H3-3A: variants seen among roughly 807,000 people sequenced by gnomAD.
The protein encoded by H3-3A is H3.3 histone A.
For synonymous variants in H3-3A, 49 were observed against 61.4 expected (o/e 0.80, Z 0.95); for missense variants, 7 against 184.0 (o/e 0.04, Z 5.57).
chr1:226,069,847 A>G (rs567084994), intron 3 of H3-3A, among the ~76,000 whole-genome samples: 27 of 152,262 alleles, frequency 1.8e-4, no homozygotes, highest in African/African-American at 6.3e-4. Flanking sequence ...ACAAAAACAA[A>G]AAGAGTAAGC....
intron 1 of H3-3A, among the ~76,000 whole-genome samples, chr1:226,063,217 C>T (rs1221430558): frequency 6.6e-6 from 1 of 152,108 alleles, no homozygotes; most frequent in Non-Finnish European, 1.5e-5. Context: ...ATCGCCGCCG[C>T]TTCGCACCCT....
At chr1:226,064,584 T>G (rs1657859517) in intron 2 of H3-3A, 105 bp downstream of exon 2, 7 of 826,024 alleles carry the variant, frequency 8.5e-6, no homozygotes, top group Non-Finnish European at 1.3e-5. Context: ...TAGAGAAACT[T>G]TTTTTTTTCA....
chr1:226,064,844 T>G (rs543280320), intron 2 of H3-3A, among the ~76,000 whole-genome samples: 26 of 152,340 alleles, frequency 1.7e-4, no homozygotes, highest in Admixed American at 9.1e-4. Flanking sequence ...TCCTAGTTTT[T>G]GGCAAAATAA....
upstream of H3-3A, chr1:226,062,244 G>A (rs1657731906): frequency 6.6e-6 from 1 of 150,708 alleles, no homozygotes; most frequent in Non-Finnish European, 1.5e-5. Flanking sequence ...GGGCCCGCGC[G>A]GGGGCAGCCC....
upstream of H3-3A, among the ~76,000 whole-genome samples, chr1:226,062,425 G>A (rs1248091956): frequency 2.0e-5 from 3 of 151,386 alleles, no homozygotes; most frequent in South Asian, 2.1e-4. Context: ...GGCCGGGGGC[G>A]GGGGCTGGCC....
Position 226,065,674 on chromosome 1 carries a change from C to G in H3-3A, c.147C>G (p.Leu49=). The change falls in exon 3 of 4, where the codon CTC becomes CTG. Residue 49 remains leucine, a synonymous_variant. Coordinates refer to ENST00000366815, the MANE Select transcript of H3-3A (RefSeq NM_002107.7). ...PHRYRPGTVA[L]REIRRYQKST... ...TTTAAAGGCCTGGTACTGTGGCGCT[C>G]CGTGAAATTAGACGTTATCAGAAGT... 6.2e-7 allele frequency: 1 copy of G among 1,605,082 alleles called. No homozygotes were observed. The highest frequency in any genetic ancestry group is 8.5e-7 in the Non-Finnish European group (1 of 1,173,610).
At chr1:226,070,501 C>T (rs980328907) in intron 3 of H3-3A, among the ~76,000 whole-genome samples, 6 of 150,812 alleles carry the variant, frequency 4.0e-5, no homozygotes, top group African/African-American at 1.2e-4. Context: ...CTGCCGGGCG[C>T]GGTGGCTCAC....
At chr1:226,064,547 G>C in intron 2 of H3-3A, 68 bp downstream of exon 2, 2 of 1,333,084 alleles carry the variant, frequency 1.5e-6, no homozygotes, top group Non-Finnish European at 2.1e-6. Context: ...TTAACAAAAA[G>C]ATGGATAACA....
intron 1 of H3-3A, among the ~76,000 whole-genome samples, chr1:226,063,070 C>T (rs569115867): frequency 6.6e-6 from 1 of 152,200 alleles, no homozygotes; most frequent in East Asian, 1.9e-4. Context: ...CCCCGCGCCC[C>T]TGGCTCCTCT....
intron 3 of H3-3A, among the ~76,000 whole-genome samples, chr1:226,070,933 CTG>C (rs1297479649): frequency 1.3e-5 from 2 of 152,180 alleles, no homozygotes; most frequent in Admixed American, 6.5e-5. Flanking sequence ...GGTTCACATA[CTG>C]TGTGAATGGG....
At chr1:226,065,964 C>T (rs1657910121) in intron 3 of H3-3A, 155 bp downstream of exon 3, 4 of 693,754 alleles carry the variant, frequency 5.8e-6, no homozygotes, top group Non-Finnish European at 1.0e-5. Flanking sequence ...GGTTAAATTG[C>T]TCAAGGTCAT....
At chr1:226,068,511 A>C (rs1312716489) in intron 3 of H3-3A, among the ~76,000 whole-genome samples, 1 of 152,162 alleles carries the variant, frequency 6.6e-6, no homozygotes. Context: ...CTGATATAAT[A>C]GCTGATATGC....
At chr1:226,065,573 T>G in intron 2 of H3-3A, 83 bp from the exon 3 acceptor site, 2 of 970,278 alleles carry the variant, frequency 2.1e-6, no homozygotes, top group East Asian at 2.5e-5. Flanking sequence ...TTTGAAAGAT[T>G]ACTGCATTTC....
upstream of H3-3A, among the ~76,000 whole-genome samples, chr1:226,062,295 CG>C (rs1657734069): frequency 1.3e-5 from 2 of 150,030 alleles, no homozygotes; most frequent in Admixed American, 1.3e-4. Context: ...GCCCGCAGGC[CG>C]GGCGTTCACC....
intron 3 of H3-3A, among the ~76,000 whole-genome samples, chr1:226,067,538 A>G (rs1657969082): frequency 6.6e-6 from 1 of 152,158 alleles, no homozygotes; most frequent in South Asian, 2.1e-4. Flanking sequence ...CAGGAGTTCC[A>G]GACCAGCGTG....
At chr1:226,062,275 G>C (rs569582538), upstream of H3-3A, among the ~76,000 whole-genome samples, 1 of 149,842 alleles carries the variant, frequency 6.7e-6, no homozygotes, top group East Asian at 2.0e-4. Context: ...TCCCCGCCGC[G>C]GCCCGAGACG....
chr1:226,069,963 C>T (rs1018201968), intron 3 of H3-3A, among the ~76,000 whole-genome samples: 4 of 152,076 alleles, frequency 2.6e-5, no homozygotes, highest in Non-Finnish European at 2.9e-5. Flanking sequence ...CCCCTTTTTC[C>T]TCTTCACAAG....
chr1:226,065,910 G>A lies in H3-3A; in HGVS notation c.282+101G>A, dbSNP rs529736003. On this transcript the variant is annotated intron_variant, in intron 3 of 3. Coordinates refer to ENST00000366815, the MANE Select transcript of H3-3A (RefSeq NM_002107.7). ...GCTTATATCATTTAATCACAAGCCTGTCAGGTAGTTGATATTGTTACTTCA... is the reference window on the plus strand; with the variant it reads ...GCTTATATCATTTAATCACAAGCCTATCAGGTAGTTGATATTGTTACTTCA... 4 of 894,226 alleles carry A rather than the reference G, an allele frequency of 4.5e-6. No individual in the cohort carries two copies. The South Asian group carries it at 5.6e-5, about 13-fold the overall frequency. The allele number at this position is 894,226 out of a possible 1,614,324, so 55.4% of individuals were successfully genotyped here.
At chr1:226,066,271 A>T (rs1249968862) in intron 3 of H3-3A, 2 of 167,114 alleles carry the variant, frequency 1.2e-5, no homozygotes, top group Non-Finnish European at 2.6e-5. Context: ...AGGCAGTATT[A>T]AAAAATTATG....
Sources: allele counts gnomAD v4.1 joint callset (sites outside exome capture counted in the v4.1 genomes callset), GRCh38; gene constraint gnomAD v4.1.1; transcripts MANE v1.5; gene names NCBI Gene and HGNC (gene_info 2026-07-23, HGNC 2026-07-21).